COL23A1: variants seen among roughly 807,000 people sequenced by gnomAD.
COL23A1 encodes the protein collagen type XXIII alpha 1 chain.
In COL23A1, 97 loss-of-function variants were observed where a neutral mutation model predicts 99.3. The ratio of observed to expected loss-of-function variants is 0.98; its 90% CI spans 0.83 to 1.16. COL23A1 has a LOEUF of 1.16. Ranked by LOEUF, COL23A1 falls within the 50% of genes most tolerant of loss-of-function variation. The pLI, the probability that COL23A1 is intolerant of heterozygous loss-of-function variation, is 0.00. For synonymous variants in COL23A1, 320 were observed against 308.2 expected, an observed-to-expected ratio of 1.04 and a Z score of -0.40; for missense variants, 762 against 757.4, an observed-to-expected ratio of 1.01 and a Z score of -0.07.
At chr5:178,344,374 C>T (rs1203735264) in intron 2 of COL23A1, among the ~76,000 whole-genome samples, 4 of 152,072 alleles carry the variant, frequency 2.6e-5, no homozygotes, top group Admixed American at 2.0e-4. Flanking sequence ...TGGTGGCTCA[C>T]GCCTGTAATC....
chr5:178,258,262 T>TATATATATATATATACATACATACAC lies in COL23A1; in HGVS notation c.730-696_730-695insGTGTATGTATGTATATATATATATAT. Among the ~76,000 whole-genome samples, 2 of 104,066 alleles carry TATATATATATATATACATACATACAC rather than the reference T, an allele frequency of 1.9e-5. 1 individual carries two copies. The highest frequency in any genetic ancestry group is 4.5e-5 in the Non-Finnish European group (2 of 44,836). The allele number at this position is 104,066 out of a possible 152,430, so 68.3% of individuals were successfully genotyped here. On this transcript the variant is annotated intron_variant, in intron 12 of 28. Coordinates refer to ENST00000390654, the MANE Select transcript of COL23A1 (RefSeq NM_173465.4). Reference sequence around the variant, plus strand: ...ATATATATATATATATATATATATATACACATGCAAATCAATTCTAGGCAC... The same window carrying TATATATATATATATACATACATACAC: ...ATATATATATATATATATATATATATATATATATATATATACATACATACACACACATGCAAATCAATTCTAGGCAC...
intron 24 of COL23A1, 137 bp from the exon 25 acceptor site, chr5:178,246,105 G>C (rs2127530585): frequency 1.5e-6 from 2 of 1,306,194 alleles, no homozygotes; most frequent in South Asian, 2.4e-5. Context: ...ATAGATGGAG[G>C]CCAGGACAGA....
At chr5:178,240,124 C>G (rs930380748) in intron 27 of COL23A1, among the ~76,000 whole-genome samples, 8 of 152,170 alleles carry the variant, frequency 5.3e-5, no homozygotes, top group Non-Finnish European at 8.8e-5. Context: ...TGGTGCCCAC[C>G]CAGGAGCCAG....
chr5:178,464,015 G>A (rs1160631688), intron 2 of COL23A1, among the ~76,000 whole-genome samples: 3 of 152,196 alleles, frequency 2.0e-5, no homozygotes, highest in Admixed American at 2.0e-4. Context: ...CCCAACACCA[G>A]TTGGCAGGAG....
chr5:178,560,029 G>T (rs549524177), intron 2 of COL23A1, among the ~76,000 whole-genome samples: 48 of 152,290 alleles, frequency 3.2e-4, no homozygotes, highest in African/African-American at 1.1e-3. Flanking sequence ...CAGTGTTAGA[G>T]ACCACACACT....
chr5:178,503,244 G>T (rs553760898), intron 2 of COL23A1, among the ~76,000 whole-genome samples: 1 of 152,266 alleles, frequency 6.6e-6, no homozygotes, highest in Admixed American at 6.5e-5. Flanking sequence ...AGCCAAGCGT[G>T]GTGGCTGAGA....
intron 2 of COL23A1, among the ~76,000 whole-genome samples, chr5:178,413,406 G>A (rs1765147904): frequency 6.6e-6 from 1 of 152,128 alleles, no homozygotes; most frequent in South Asian, 2.1e-4. Flanking sequence ...AATTTACCTT[G>A]AATTCAACGA....
intron 3 of COL23A1, among the ~76,000 whole-genome samples, chr5:178,302,787 A>G (rs1250219827): frequency 1.3e-5 from 2 of 152,218 alleles, no homozygotes; most frequent in African/African-American, 4.8e-5. Context: ...ATTTTTGTTA[A>G]GCATCCTGGG....
chr5:178,515,596 C>G (rs1313837133), intron 2 of COL23A1, among the ~76,000 whole-genome samples: 1 of 152,194 alleles, frequency 6.6e-6, no homozygotes, highest in Non-Finnish European at 1.5e-5. Flanking sequence ...CCCAGGAAAA[C>G]AGAAGGCCTT....
intron 6 of COL23A1, among the ~76,000 whole-genome samples, chr5:178,269,303 C>CCATT (rs1756088339): frequency 6.6e-6 from 1 of 151,290 alleles, no homozygotes; most frequent in Admixed American, 6.6e-5. Context: ...ATCCATCCAT[C>CCATT]CATCCATCCA....
At chr5:178,488,321 G>C (rs1757742676) in intron 2 of COL23A1, among the ~76,000 whole-genome samples, 1 of 152,062 alleles carries the variant, frequency 6.6e-6, no homozygotes, top group African/African-American at 2.4e-5. Context: ...CTGCCTGATG[G>C]GGAGCTGCTG....
intron 2 of COL23A1, among the ~76,000 whole-genome samples, chr5:178,333,267 TA>T (rs1760137763): frequency 6.6e-6 from 1 of 152,194 alleles, no homozygotes. Context: ...ACTCATGTTT[TA>T]AAAAACACCA....
At chr5:178,431,466 T>C (rs1395690781) in intron 2 of COL23A1, among the ~76,000 whole-genome samples, 1 of 152,180 alleles carries the variant, frequency 6.6e-6, no homozygotes, top group African/African-American at 2.4e-5. Context: ...AAACTGCAGA[T>C]GTGATGAAGT....
intron 6 of COL23A1, among the ~76,000 whole-genome samples, chr5:178,269,029 A>G (rs1756070884): frequency 6.6e-6 from 1 of 152,108 alleles, no homozygotes; most frequent in Non-Finnish European, 1.5e-5. Context: ...GGGCACATGC[A>G]CTGGCCACTC....
In COL23A1 at chr5:178,434,403, G is replaced by A. The variant is rs1028716555; in HGVS notation, c.361+126279C>T. On this transcript the variant is annotated intron_variant, in intron 2 of 28. Coordinates refer to ENST00000390654, the MANE Select transcript of COL23A1 (RefSeq NM_173465.4). This position sits in a 1 kb window ranked among gnomAD's most constrained non-coding sequence, Gnocchi z 4.3. Reference sequence around the variant, plus strand: ...AGCGCCCCTGCAGCACGGTGGCCTCGGGCAAAATGCCTGGACCAGGACTTG... The same window carrying A: ...AGCGCCCCTGCAGCACGGTGGCCTCAGGCAAAATGCCTGGACCAGGACTTG... Among the ~76,000 whole-genome samples the A allele has an allele frequency of 2.0e-5, 3 of 152,204 alleles. No individual in the cohort carries two copies. The highest frequency in any genetic ancestry group is 7.2e-5 in the African/African-American group (3 of 41,456).
chr5:178,527,060 G>T (rs1487092829), intron 2 of COL23A1, among the ~76,000 whole-genome samples: 1 of 152,216 alleles, frequency 6.6e-6, no homozygotes, highest in African/African-American at 2.4e-5. Context: ...GCCACATCTT[G>T]CAGGGCACTT....
At chr5:178,254,044 G>A (rs1387488624) in intron 16 of COL23A1, among the ~76,000 whole-genome samples, 4 of 152,114 alleles carry the variant, frequency 2.6e-5, no homozygotes, top group African/African-American at 9.7e-5. Flanking sequence ...CATGCCTGTA[G>A]TCCCAGCTAC....
rs1001363746 is a variant in COL23A1 at position 178,308,596 on chromosome 5, T to C, written c.362-1677A>G. Among the ~76,000 whole-genome samples, 3 of 152,138 alleles carry C rather than the reference T, an allele frequency of 2.0e-5. No homozygotes were observed. Among genetic ancestry groups the C allele is most frequent in the African/African-American group, 7.2e-5 (3 of 41,414 alleles). On this transcript the variant is annotated intron_variant, in intron 2 of 28. Coordinates refer to ENST00000390654, the MANE Select transcript of COL23A1 (RefSeq NM_173465.4). This position sits in a 1 kb window ranked among gnomAD's most constrained non-coding sequence, Gnocchi z 5.1. The stretch of plus-strand genomic sequence containing the variant: ...TTATGAGGCACCTCCAGGCCCATGC[T>C]CCTGGCCGAGGCCTGCGACACCCAC...
chr5:178,256,773 G>A, intron 14 of COL23A1, 93 bp downstream of exon 14: 6 of 1,282,010 alleles, frequency 4.7e-6, no homozygotes, highest in Non-Finnish European at 6.5e-6. Flanking sequence ...ACTTAAAAGG[G>A]CAAATGAGAG....
Sources: allele counts gnomAD v4.1 joint callset (sites outside exome capture counted in the v4.1 genomes callset), GRCh38; gene constraint gnomAD v4.1.1; non-coding constraint Gnocchi (gnomAD v3.1); transcripts MANE v1.5; gene names NCBI Gene and HGNC (gene_info 2026-07-23, HGNC 2026-07-21).